The following BNIP5 variants were observed in gnomAD, a reference collection of about 807,000 sequenced individuals.
BNIP5 encodes protein BNIP5.
Under a neutral mutation model 67.3 loss-of-function variants are expected in BNIP5, and 61 were observed. The ratio of observed to expected loss-of-function variants is 0.91; its 90% CI spans 0.74 to 1.12. The LOEUF is 1.12. BNIP5 is among the 50% of genes most tolerant of loss of function. BNIP5 has a pLI of 0.00. For missense variants in BNIP5, 826 were observed against 816.3 expected (o/e 1.01, Z -0.14); for synonymous variants, 317 against 319.0 (o/e 0.99, Z 0.07).
chr6:36,319,420 C>A lies in BNIP5; in HGVS notation c.1859G>T (p.Cys620Phe). The change falls in exon 11 of 12, where the codon TGC (cysteine) becomes TTC (phenylalanine). Residue 620 changes from cysteine (C) to phenylalanine (F), a missense_variant. Physicochemically the swap from Cys to Phe is radical, Grantham distance 205 (BLOSUM62 -2). Coordinates refer to ENST00000437635, the MANE Select transcript of BNIP5 (RefSeq NM_001010903.5). ...GTGGTCTCTTAGGCCCATGAGGATG[C>A]ACATGGCATGGCTGTTGCTGCCAGC... is the stretch of plus-strand genomic sequence containing the variant. ...KFAGSNSHAM[C>F]ILMGLRDHYN... 1 of 1,614,134 alleles carries A rather than the reference C, an allele frequency of 6.2e-7. No homozygotes were observed. Among genetic ancestry groups the A allele is most frequent in the Non-Finnish European group, 8.5e-7 (1 of 1,180,008 alleles).
chr6:36,323,316 C>T lies in BNIP5; in HGVS notation c.1448G>A (p.Arg483Gln), dbSNP rs544243138. Residue 483 changes from arginine (R) to glutamine (Q), a missense_variant, in exon 8 of 12, where the codon CGG becomes CAG. By Grantham distance (43) the Arg-to-Gln change is conservative. Transcript: ENST00000437635. Reference sequence around the variant, plus strand: ...ACCAAGGCTGCTGGAGGTGGAGGGCCGATGGCCACCAACACACAGGGGCAG... The same window carrying T: ...ACCAAGGCTGCTGGAGGTGGAGGGCTGATGGCCACCAACACACAGGGGCAG... ...SFLPLCVGGH[R>Q]PSTSSSLDPE... 1.8e-5 allele frequency: 29 copies of T among 1,614,220 alleles called. No individual in the cohort carries two copies. The African/African-American group carries it at 2.8e-4, about 16-fold the overall frequency.
At chr6:36,323,263 T>A in intron 8 of BNIP5, 30 bp downstream of exon 8, 1 of 1,613,184 alleles carries the variant, frequency 6.2e-7, no homozygotes. Flanking sequence ...AGGAAGCCTC[T>A]GTTACCATGG....
At chr6:36,323,072 G>A (rs1021925352) in intron 8 of BNIP5, among the ~76,000 whole-genome samples, 7 of 152,170 alleles carry the variant, frequency 4.6e-5, no homozygotes, top group Admixed American at 3.3e-4. Context: ...CGTGTGCAGT[G>A]AGCAGGGCCT....
intron 2 of BNIP5, among the ~76,000 whole-genome samples, chr6:36,329,427 T>C (rs1724612625): frequency 6.6e-6 from 1 of 152,262 alleles, no homozygotes; most frequent in Non-Finnish European, 1.5e-5. Context: ...AGAGGAAAGC[T>C]GCCTCCCTGG....
At chr6:36,326,941 G>T in intron 4 of BNIP5, 89 bp downstream of exon 4, 2 of 1,419,458 alleles carry the variant, frequency 1.4e-6, no homozygotes, top group Non-Finnish European at 1.0e-6. Context: ...ATGGACTAGA[G>T]CCCGGCCTGC....
At chr6:36,327,552 C>A (rs1165359840) in intron 3 of BNIP5, among the ~76,000 whole-genome samples, 1 of 152,170 alleles carries the variant, frequency 6.6e-6, no homozygotes, top group Non-Finnish European at 1.5e-5. Flanking sequence ...TTCCAACCTG[C>A]AAAATTCCAG....
At position 36,321,163 on chromosome 6, in the gene BNIP5, C is replaced by A. The variant is rs756515508; in HGVS notation, c.1660G>T (p.Gly554Trp). 2 of 1,589,486 alleles carry A rather than the reference C, an allele frequency of 1.3e-6. No homozygotes were observed. Among genetic ancestry groups the A allele is most frequent in the Admixed American group, 3.5e-5 (2 of 56,710 alleles). The change falls in exon 10 of 12, where the codon GGG becomes TGG. Residue 554 changes from glycine (G) to tryptophan (W), a missense_variant. Gly to Trp is a radical substitution (Grantham distance 184). Transcript: ENST00000437635. The stretch of plus-strand genomic sequence containing the variant: ...GGCTGAGTGGTACTCACCTGCTGCC[C>A]CAGTTGGCCATCCACTTCTTGGAGA... Reference protein sequence around the residue: ...ALLQEVDGQLGQQIRRHPSFK... With the variant: ...ALLQEVDGQLWQQIRRHPSFK...
intron 11 of BNIP5, among the ~76,000 whole-genome samples, chr6:36,318,632 G>A (rs1021114045): frequency 2.0e-5 from 3 of 152,062 alleles, no homozygotes; most frequent in Non-Finnish European, 4.4e-5. Flanking sequence ...TGAGGTGGGA[G>A]GATCATCTGA....
chr6:36,321,257 G>A, intron 9 of BNIP5, 38 bp from the exon 10 acceptor site: 1 of 1,476,020 alleles, frequency 6.8e-7, no homozygotes, highest in South Asian at 1.2e-5. Context: ...ACTGTTGACT[G>A]GGTGATGCCC....
At position 36,319,565 on chromosome 6, in the gene BNIP5, C is replaced by G; in HGVS notation, c.1714G>C (p.Asp572His). The change falls in exon 11 of 12, where the codon GAC becomes CAC. Residue 572 changes from aspartate to histidine, a missense_variant. By Grantham distance (81) the Asp-to-His change is moderately conservative. Transcript: ENST00000437635. ...SFKRFFYEFSDSSLSKLVATL... is the reference protein window; with the variant it reads ...SFKRFFYEFSHSSLSKLVATL... ...GCTACCAGCTTGCTGAGGGAGGAGT[C>G]CGAGAACTCGTAAAAAAACCTCTTA... 5 of 1,613,806 alleles carry G rather than the reference C, an allele frequency of 3.1e-6. No individual in the cohort carries two copies. Among genetic ancestry groups the G allele is most frequent in the South Asian group, 1.1e-5 (1 of 91,068 alleles).
chr6:36,324,928 G>A (rs1213958038), intron 6 of BNIP5, among the ~76,000 whole-genome samples: 1 of 152,044 alleles, frequency 6.6e-6, no homozygotes, highest in African/African-American at 2.4e-5. Context: ...GACCAGAGAT[G>A]AAGTAACTTG....
rs778085027 is a variant in BNIP5, at chr6:36,319,493, G to A, written c.1786C>T (p.Arg596Cys). The A allele has an allele frequency of 9.3e-6, 15 of 1,614,188 alleles. No homozygotes were observed. Among genetic ancestry groups the A allele is most frequent in the East Asian group, 2.2e-5 (1 of 44,882 alleles). Reference protein sequence around the residue: ...VAHSSKLDRNRARRLYQFDVS... With the variant: ...VAHSSKLDRNCARRLYQFDVS... ...TCAAACTGGTAGAGTCTCCTGGCGC[G>A]GTTCCTGTCCAGCTTAGAGGAGTGA... Residue 596 changes from arginine to cysteine, a missense_variant, in exon 11 of 12, where the codon CGC becomes TGC. Arg to Cys is a radical substitution (Grantham distance 180, BLOSUM62 -3). Coordinates refer to ENST00000437635, the MANE Select transcript of BNIP5 (RefSeq NM_001010903.5).
At position 36,333,221 on chromosome 6, in the gene BNIP5, G is replaced by A. The variant is rs891722523; in HGVS notation, c.-4-2527C>T. Among the ~76,000 whole-genome samples, 6 of 152,346 alleles carry A rather than the reference G, an allele frequency of 3.9e-5. 1 individual carries two copies. The highest frequency in any genetic ancestry group is 4.1e-4 in the South Asian group (2 of 4,828). ...CCAGATGGTATTGCAGCCCCAGGTC[G>A]CTGAGGCCAGAGGCCATTGGGGCCG... On this transcript the variant is annotated intron_variant, in intron 1 of 11. Transcript: ENST00000437635.
At chr6:36,321,368 A>C (rs763018) in intron 9 of BNIP5, 149 bp from the exon 10 acceptor site, 295,855 of 643,830 alleles carry the variant, frequency 0.46, 69,792 homozygotes, top group Admixed American at 0.57. Context: ...TGATGGACCC[A>C]GACAATTCTT....
In BNIP5 at chr6:36,326,568, C is replaced by T; in HGVS notation, c.978G>A (p.Lys326=). Residue 326 remains lysine, a synonymous_variant, in exon 5 of 12, where the codon AAG becomes AAA. Transcript: ENST00000437635. The part of the protein sequence containing the change: ...VSSPEAWPPK[K]SSFLPLCVSG... ...TGACACACAGGGGCAGAAAGCTGGA[C>T]TTCTTGGGTGGCCAGGCCTCTGGAC... 6 of 1,614,266 alleles carry T rather than the reference C, an allele frequency of 3.7e-6. No individual in the cohort carries two copies. Among genetic ancestry groups the T allele is most frequent in the Non-Finnish European group, 4.2e-6 (5 of 1,180,056 alleles).
intron 11 of BNIP5, 127 bp downstream of exon 11, chr6:36,319,229 G>C (rs1771580095): frequency 1.7e-6 from 2 of 1,151,760 alleles, no homozygotes; most frequent in East Asian, 4.8e-5. Context: ...TGACATTTGA[G>C]ATAGACCCAA....
chr6:36,335,305 A>C (rs34016645), intron 1 of BNIP5, among the ~76,000 whole-genome samples: 32,817 of 152,006 alleles, frequency 0.22, 3,850 homozygotes, highest in Admixed American at 0.32. Context: ...TCTCCACCCC[A>C]TGATTCACAC....
chr6:36,324,575 TTATATA>T (rs58409463), intron 6 of BNIP5, among the ~76,000 whole-genome samples: 1 of 50,834 alleles, frequency 2.0e-5, no homozygotes, highest in African/African-American at 6.2e-5. Context: ...GACGGTGATA[TTATATA>T]TATATATATA....
chr6:36,317,770 A>G (rs370745244), intron 11 of BNIP5, among the ~76,000 whole-genome samples: 5 of 152,212 alleles, frequency 3.3e-5, no homozygotes, highest in South Asian at 2.1e-4. Flanking sequence ...CCTTTGCACA[A>G]CTAAGCACAT....
Sources: allele counts gnomAD v4.1 joint callset (sites outside exome capture counted in the v4.1 genomes callset), GRCh38; gene constraint gnomAD v4.1.1; transcripts MANE v1.5; gene names NCBI Gene and HGNC (gene_info 2026-07-23, HGNC 2026-07-21).